ANK2: variants seen among roughly 807,000 people sequenced by gnomAD.
The protein encoded by ANK2 is ankyrin 2.
In ANK2, 83 loss-of-function variants were observed where a neutral mutation model predicts 360.5. The observed-to-expected ratio is 0.23, with a 90% confidence interval of 0.19 to 0.28. The LOEUF (loss-of-function observed/expected upper bound fraction) is 0.28. ANK2 is among the 10% of genes least tolerant of loss of function. ANK2 has a pLI of 1.00. For synonymous variants in ANK2, 1,740 were observed against 1,759.5 expected (o/e 0.99, Z 0.28); for missense variants, 4,201 against 4,795.7 (o/e 0.88, Z 3.66).
chr4:112,990,606 G>A (rs1027038533), intron 2 of ANK2, among the ~76,000 whole-genome samples: 4 of 152,026 alleles, frequency 2.6e-5, no homozygotes, highest in African/African-American at 9.7e-5. Flanking sequence ...AATATTTCAT[G>A]TTTTTAAATG....
At chr4:113,248,050 T>C (rs1244071078) in intron 9 of ANK2, among the ~76,000 whole-genome samples, 1 of 152,210 alleles carries the variant, frequency 6.6e-6, no homozygotes, top group Non-Finnish European at 1.5e-5. Flanking sequence ...CTAAATACTT[T>C]TTTTCTGAGA....
At chr4:113,163,780 AAAAAAAAAAAAAG>A (rs1273249008) in intron 1 of ANK2, among the ~76,000 whole-genome samples, 9 of 105,692 alleles carry the variant, frequency 8.5e-5, no homozygotes, top group African/African-American at 3.1e-4. Flanking sequence ...AAAAAAAAAA[AAAAAAAAAAAAAG>A]AAAACCCAGC....
intron 40 of ANK2, among the ~76,000 whole-genome samples, chr4:113,364,641 A>G (rs906707334): frequency 1.3e-5 from 2 of 152,206 alleles, no homozygotes; most frequent in Non-Finnish European, 2.9e-5. Flanking sequence ...ACATTCTTCT[A>G]AGTAGAATTG....
intron 2 of ANK2, among the ~76,000 whole-genome samples, chr4:112,968,485 T>A (rs1299950871): frequency 1.3e-5 from 2 of 152,212 alleles, no homozygotes; most frequent in Admixed American, 6.5e-5. Flanking sequence ...TTTCTTCCAG[T>A]TGTCTCTGGT....
intron 13 of ANK2, among the ~76,000 whole-genome samples, chr4:113,259,867 TA>T (rs2051733843): frequency 6.6e-6 from 1 of 150,920 alleles, no homozygotes; most frequent in Non-Finnish European, 1.5e-5. Context: ...CCAGTAACAT[TA>T]AAACAAAAAA....
intron 1 of ANK2, among the ~76,000 whole-genome samples, chr4:113,171,603 G>A (rs993931794): frequency 2.6e-5 from 4 of 152,268 alleles, no homozygotes; most frequent in African/African-American, 9.6e-5. Flanking sequence ...TGACTCAACT[G>A]CTGAAGTGGT....
At chr4:113,138,835 A>T (rs181937980) in intron 1 of ANK2, among the ~76,000 whole-genome samples, 1 of 152,238 alleles carries the variant, frequency 6.6e-6, no homozygotes, top group African/African-American at 2.4e-5. Context: ...GTGAGTATAC[A>T]AACTGAACAT....
the ANK2 span, among the ~76,000 whole-genome samples, chr4:112,792,046 T>A: frequency 7.1e-6 from 1 of 141,558 alleles, no homozygotes; most frequent in African/African-American, 2.6e-5. Context: ...TTTTTTTTTT[T>A]TTTTTTTTTT....
chr4:112,753,210 T>C, the ANK2 span, among the ~76,000 whole-genome samples: 2 of 152,310 alleles, frequency 1.3e-5, no homozygotes, highest in Non-Finnish European at 2.9e-5. Context: ...TCTGCTGATA[T>C]GGAATAAATG....
chr4:112,970,105 T>C (rs903301746), intron 2 of ANK2, among the ~76,000 whole-genome samples: 1 of 151,806 alleles, frequency 6.6e-6, no homozygotes, highest in African/African-American at 2.4e-5. Context: ...TACCTCAGCC[T>C]CCCAAGTAGC....
At position 113,360,713 on chromosome 4, in the gene ANK2, G is replaced by C. The variant is rs561070017; in HGVS notation, c.10682-110G>C. On this transcript the variant is annotated intron_variant, in intron 38 of 45. Transcript: ENST00000357077. ...TGATCTGAAATGTAGTATCTAGTTT[G>C]TGCTTTCAAATATTTGGAGAAGTGA... 7.3e-5 allele frequency: 67 copies of C among 916,340 alleles called. No individual in the cohort carries two copies. The South Asian group carries it at 9.3e-4, about 13-fold the overall frequency. 56.8% of individuals were successfully genotyped at this position (916,340 alleles called of 1,614,324 possible). A position where few individuals can be genotyped will look rare whatever the true frequency, so the allele number is the denominator to read the frequency against.
the ANK2 span, among the ~76,000 whole-genome samples, chr4:112,790,822 G>C: frequency 6.6e-6 from 1 of 152,098 alleles, no homozygotes; most frequent in African/African-American, 2.4e-5. Context: ...CAAAGGTGGG[G>C]AGAAATAAAA....
intron 11 of ANK2, among the ~76,000 whole-genome samples, chr4:113,256,294 T>C (rs1371741097): frequency 6.6e-6 from 1 of 152,196 alleles, no homozygotes; most frequent in Non-Finnish European, 1.5e-5. Flanking sequence ...AACACGAGTA[T>C]GAAAAGTTGA....
intron 1 of ANK2, among the ~76,000 whole-genome samples, chr4:113,147,593 C>T (rs1033374692): frequency 6.6e-6 from 1 of 152,108 alleles, no homozygotes; most frequent in African/African-American, 2.4e-5. Flanking sequence ...TGATATTCTG[C>T]CCAGAATTTT....
At chr4:113,300,600 T>C (rs2074444970) in intron 22 of ANK2, among the ~76,000 whole-genome samples, 2 of 152,038 alleles carry the variant, frequency 1.3e-5, no homozygotes, top group Admixed American at 1.3e-4. Flanking sequence ...ATAAACACAG[T>C]TAAACAAAGA....
At chr4:113,270,043 C>G (rs2057922980) in intron 14 of ANK2, among the ~76,000 whole-genome samples, 1 of 152,298 alleles carries the variant, frequency 6.6e-6, no homozygotes, top group Middle Eastern at 3.4e-3. Flanking sequence ...TGAGCTTCCC[C>G]TGCCATAACA....
the ANK2 span, chr4:112,738,809 T>A: frequency 1.6e-6 from 1 of 625,614 alleles, no homozygotes; most frequent in Admixed American, 1.8e-5. Flanking sequence ...ACAGGGTTCA[T>A]AGAAGGTTCA....
the ANK2 span, among the ~76,000 whole-genome samples, chr4:112,743,924 G>A: frequency 1.3e-5 from 2 of 151,544 alleles, no homozygotes. Flanking sequence ...TGCCTGCCGG[G>A]TTCATCCAAT....
chr4:113,264,868 A>G (rs2055046354), intron 13 of ANK2, 29 bp from the exon 14 acceptor site: 1 of 1,550,998 alleles, frequency 6.4e-7, no homozygotes, highest in African/African-American at 1.4e-5. Flanking sequence ...GGGTTAATTT[A>G]TGATTTGACG....
Sources: gnomAD v4.1 joint callset for allele counts (sites outside exome capture counted in the v4.1 genomes callset) on GRCh38, gnomAD v4.1.1 for gene constraint, MANE v1.5 for transcripts, NCBI Gene and HGNC (gene_info 2026-07-23, HGNC 2026-07-21) for gene names.